The following GLB1L3 variants were observed in gnomAD, a reference collection of about 807,000 sequenced individuals.
GLB1L3 encodes the protein galactosidase beta 1 like 3.
In GLB1L3, 89 loss-of-function variants were observed where a neutral mutation model predicts 89.5. That is an observed-to-expected ratio of 0.99 (90% CI 0.84 to 1.19). The LOEUF (loss-of-function observed/expected upper bound fraction) is 1.19. Among genes scored for constraint, GLB1L3 ranks in the 50% most tolerant of loss-of-function variants. GLB1L3 has a pLI of 0.00. For missense variants in GLB1L3, 812 were observed against 813.3 expected, an observed-to-expected ratio of 1.00 and a Z score of 0.02; for synonymous variants, 314 against 312.3, an observed-to-expected ratio of 1.01 and a Z score of -0.06.
Position 134,312,469 on chromosome 11 carries a change from C to T in GLB1L3, c.1408C>T (p.His470Tyr), listed in dbSNP as rs752977700. 19 of 1,612,818 alleles carry T rather than the reference C, an allele frequency of 1.2e-5. No individual in the cohort carries two copies. In the East Asian group the frequency reaches 4.2e-4, roughly 36 times the overall value. Residue 470 changes from histidine (H) to tyrosine (Y), a missense_variant, in exon 14 of 20, where the codon CAC becomes TAC. By Grantham distance (83) the His-to-Tyr change is moderately conservative (BLOSUM62 2). This residue lies in a region of GLB1L3 where 618 missense variants were observed against 604.0 expected (regional missense o/e 1.02). Coordinates refer to ENST00000431683, the MANE Select transcript of GLB1L3 (RefSeq NM_001080407.3). ...SICSGGRLRA[H>Y]AHDVAQVFLD... is the part of the protein sequence containing the mutation. ...CTGCTCCGGAGGCCGCCTCCGTGCC[C>T]ACGCTCATGACGTGGCACAGGTAGG...
At chr11:134,290,574 C>G (rs565317450) in intron 7 of GLB1L3, among the ~76,000 whole-genome samples, 6 of 111,520 alleles carry the variant, frequency 5.4e-5, no homozygotes, top group South Asian at 2.5e-4. Flanking sequence ...CTCGTCCCCC[C>G]CCGCCAAAAA....
At position 134,281,392 on chromosome 11, in the gene GLB1L3, C is replaced by G. The variant is rs532518715; in HGVS notation, c.378C>G (p.Asn126Lys). ...CCTCTTCTAGCTATGTTCCGTGGAA[C>G]CTGCATGAGCCAGAAAGAGGCAAAT... ...FNTVTTYVPW[N>K]LHEPERGKFD... Residue 126 changes from asparagine to lysine, a missense_variant, in exon 4 of 20, where the codon AAC (asparagine) becomes AAG (lysine). By Grantham distance (94) the Asn-to-Lys change is moderately conservative. Around this residue, in one of 3 missense-constraint regions of GLB1L3, gnomAD observed 191 missense variants for 191.4 expected, o/e 1.00. Coordinates refer to ENST00000431683, the MANE Select transcript of GLB1L3 (RefSeq NM_001080407.3). 5.0e-6 allele frequency: 8 copies of G among 1,614,048 alleles called. No individual in the cohort carries two copies. The Admixed American group carries it at 1.2e-4, about 24-fold the overall frequency.
chr11:134,305,950 G>A (rs557874491), intron 9 of GLB1L3, among the ~76,000 whole-genome samples: 3 of 152,216 alleles, frequency 2.0e-5, no homozygotes, highest in African/African-American at 7.2e-5. Context: ...AAAGAGACAA[G>A]ATAAACGTCT....
rs540119893 is a variant in GLB1L3 at position 134,293,153 on chromosome 11, G to A, written c.820G>A (p.Ala274Thr). The A allele has an allele frequency of 1.3e-5, 21 of 1,613,480 alleles. No homozygotes were observed. The highest frequency in any genetic ancestry group is 3.3e-5 in the Admixed American group (2 of 60,000). The change falls in exon 9 of 20, where the codon GCC becomes ACC. Residue 274 changes from alanine to threonine, a missense_variant. Ala to Thr is a moderately conservative substitution (Grantham distance 58, BLOSUM62 0). Around this residue, in one of 3 missense-constraint regions of GLB1L3, gnomAD observed 618 missense variants for 604.0 expected, o/e 1.02. Coordinates refer to ENST00000431683, the MANE Select transcript of GLB1L3 (RefSeq NM_001080407.3). Reference protein sequence around the residue: ...LSGHTKGVLAAINLQKLHQDT... With the variant: ...LSGHTKGVLATINLQKLHQDT... ...CTCTCTTCTTTATGCAGTGTTGGCC[G>A]CCATCAATTTGCAAAAACTTCACCA...
intron 19 of GLB1L3, 42 bp downstream of exon 19, chr11:134,318,789 C>T: frequency 6.5e-7 from 1 of 1,548,954 alleles, no homozygotes; most frequent in Non-Finnish European, 8.9e-7. Flanking sequence ...CATAAACTTT[C>T]AGATCAAAAT....
Position 134,309,615 on chromosome 11 carries a change from C to A in GLB1L3, c.962-11C>A, listed in dbSNP as rs754138645. On this transcript the variant is annotated splice_polypyrimidine_tract_variant and intron_variant, in intron 10 of 19. Transcript: ENST00000431683. ...CTAACATTCTCTGTGTTCTCATGTT[C>A]CCCTTTGCAGAGGTTGAACATGCTG... is the stretch of plus-strand genomic sequence containing the variant. 5 of 1,574,118 alleles carry A rather than the reference C, an allele frequency of 3.2e-6. No homozygotes were observed. In the South Asian group the frequency reaches 3.5e-5, roughly 11 times the overall value.
At chr11:134,287,587 T>C (rs1941089363) in intron 6 of GLB1L3, among the ~76,000 whole-genome samples, 1 of 152,234 alleles carries the variant, frequency 6.6e-6, no homozygotes, top group Non-Finnish European at 1.5e-5. Context: ...GAACTGATAC[T>C]GTTCAATAAT....
rs930736127 is a variant in GLB1L3, at chr11:134,312,736, T to A, written c.1429-80T>A. On this transcript the variant is annotated intron_variant, in intron 14 of 19. Transcript: ENST00000431683. Reference sequence around the variant, plus strand: ...GCTGGTCCCTGCCTTCATACTGACCTCCTTCTCCCGAAACCGCGGCCTCTC... The same window carrying A: ...GCTGGTCCCTGCCTTCATACTGACCACCTTCTCCCGAAACCGCGGCCTCTC... 1.1e-5 allele frequency: 13 copies of A among 1,201,690 alleles called. No homozygotes were observed. The Admixed American group carries it at 2.2e-4, about 20-fold the overall frequency. 74.4% of individuals were successfully genotyped at this position (1,201,690 alleles called of 1,614,324 possible).
At chr11:134,299,928 C>G (rs557732428) in intron 9 of GLB1L3, among the ~76,000 whole-genome samples, 1 of 152,104 alleles carries the variant, frequency 6.6e-6, no homozygotes, top group Non-Finnish European at 1.5e-5. Flanking sequence ...GTTAAGATGT[C>G]CTTAAGTGAC....
At chr11:134,291,273 CT>C (rs11344045) in intron 7 of GLB1L3, among the ~76,000 whole-genome samples, 22,019 of 141,920 alleles carry the variant, frequency 0.16, 1,754 homozygotes, top group Middle Eastern at 0.21. Flanking sequence ...CTCCCATATG[CT>C]TTTTTTTTTT....
intron 3 of GLB1L3, among the ~76,000 whole-genome samples, chr11:134,279,448 C>A (rs755741008): frequency 2.7e-5 from 4 of 148,372 alleles, no homozygotes; most frequent in African/African-American, 7.4e-5. Context: ...CTCACTGCAA[C>A]CTCCCCCTCC....
chr11:134,286,904 T>C (rs891174407), intron 6 of GLB1L3, among the ~76,000 whole-genome samples: 4 of 151,728 alleles, frequency 2.6e-5, no homozygotes, highest in South Asian at 4.2e-4. Context: ...CTCACACCTG[T>C]AATTCCAGCA....
chr11:134,276,901 C>T lies in GLB1L3; in HGVS notation c.23+138C>T, dbSNP rs1940395299. On this transcript the variant is annotated intron_variant, in intron 1 of 19. Transcript: ENST00000431683. Reference sequence around the variant, plus strand: ...CGGGCCGCGCCACCAAGCCCGCTGTCCCCAGCTTTCCTCGGCAGATCCCCT... The same window carrying T: ...CGGGCCGCGCCACCAAGCCCGCTGTTCCCAGCTTTCCTCGGCAGATCCCCT... 8 of 756,316 alleles carry T rather than the reference C, an allele frequency of 1.1e-5. No homozygotes were observed. The South Asian group carries it at 2.0e-4, about 19-fold the overall frequency. The allele number at this position is 756,316 out of a possible 1,614,324, so 46.9% of individuals were successfully genotyped here.
chr11:134,309,590 C>T, intron 10 of GLB1L3, 36 bp from the exon 11 acceptor site: 2 of 1,515,972 alleles, frequency 1.3e-6, no homozygotes, highest in African/African-American at 2.8e-5. Context: ...CTCTTAATTT[C>T]TAACATTCTC....
rs771684472 is a variant in GLB1L3 at position 134,312,395 on chromosome 11, A to G, written c.1334A>G (p.Asn445Ser). 6.2e-7 allele frequency: 1 copy of G among 1,613,762 alleles called. No individual in the cohort carries two copies. Among genetic ancestry groups the G allele is most frequent in the South Asian group, 1.1e-5 (1 of 91,068 alleles). The change falls in exon 14 of 20, where the codon AAC (asparagine) becomes AGC (serine). Residue 445 changes from asparagine (N) to serine (S), a missense_variant. Around this residue, in one of 3 missense-constraint regions of GLB1L3, gnomAD observed 618 missense variants for 604.0 expected, o/e 1.02. Coordinates refer to ENST00000431683, the MANE Select transcript of GLB1L3 (RefSeq NM_001080407.3). ...GTCAACATGGAGAACCTTCCCATAAACAATGGGAGCGGCCAGTCCTACGGG... is the reference window on the plus strand; with the variant it reads ...GTCAACATGGAGAACCTTCCCATAAGCAATGGGAGCGGCCAGTCCTACGGG... ...QPVNMENLPI[N>S]NGSGQSYGLV...
At chr11:134,308,600 TCC>T (rs1565414662) in intron 10 of GLB1L3, among the ~76,000 whole-genome samples, 125 of 77,318 alleles carry the variant, frequency 1.6e-3, no homozygotes, top group Middle Eastern at 0.018. Context: ...CACCATCACC[TCC>T]ACCACCACCA....
chr11:134,284,737 A>G (rs1424563380), intron 6 of GLB1L3, among the ~76,000 whole-genome samples: 1 of 151,920 alleles, frequency 6.6e-6, no homozygotes, highest in Admixed American at 6.6e-5. Context: ...TCAAAAAACA[A>G]AACGAAACAA....
At chr11:134,292,412 G>A in intron 8 of GLB1L3, 199 bp downstream of exon 8, 1 of 503,192 alleles carries the variant, frequency 2.0e-6, no homozygotes, top group South Asian at 3.0e-5. Flanking sequence ...CCCTATCTTG[G>A]CCTTGCTCCT....
intron 9 of GLB1L3, among the ~76,000 whole-genome samples, chr11:134,296,204 G>C (rs1410362481): frequency 1.3e-5 from 2 of 149,012 alleles, no homozygotes; most frequent in African/African-American, 2.5e-5. Context: ...AGGTGCTGGA[G>C]AGGATGTGGA....
Sources: gnomAD v4.1 joint callset for allele counts (sites outside exome capture counted in the v4.1 genomes callset) on GRCh38, gnomAD v4.1.1 for gene constraint, gnomAD v4.1.1 regional missense constraint, MANE v1.5 for transcripts, NCBI Gene and HGNC (gene_info 2026-07-23, HGNC 2026-07-21) for gene names.